RIMBP2: variants seen among roughly 807,000 people sequenced by gnomAD.
The protein encoded by RIMBP2 is RIMS binding protein 2, also known as RIMS-binding protein 2.
RIMBP2 carries 48 observed loss-of-function variants against 118.6 expected under a neutral mutation model. The ratio of observed to expected loss-of-function variants is 0.40; its 90% confidence interval spans 0.32 to 0.51. The LOEUF (loss-of-function observed/expected upper bound fraction) is 0.51. RIMBP2 is among the 20% of genes least tolerant of loss of function. RIMBP2 has a pLI of 0.41. For missense variants in RIMBP2, 1,551 were observed against 1,768.3 expected, an observed-to-expected ratio of 0.88 and a Z score of 2.20; for synonymous variants, 762 against 742.9, an observed-to-expected ratio of 1.03 and a Z score of -0.42.
At chr12:130,591,394 AGGGTCGCCT>A (rs2059253324) in intron 2 of RIMBP2, among the ~76,000 whole-genome samples, 1 of 152,232 alleles carries the variant, frequency 6.6e-6, no homozygotes, top group African/African-American at 2.4e-5. Context: ...CTAGGCAGGA[AGGGTCGCCT>A]GGGTGTTGAA....
chr12:130,487,948 T>C (rs1048413872), intron 4 of RIMBP2, among the ~76,000 whole-genome samples: 2 of 152,180 alleles, frequency 1.3e-5, no homozygotes, highest in African/African-American at 4.8e-5. Flanking sequence ...ACCTGCTTGG[T>C]ACCGTTCTAA....
intron 1 of RIMBP2, among the ~76,000 whole-genome samples, chr12:130,672,965 A>C (rs1403922641): frequency 6.6e-6 from 1 of 152,158 alleles, no homozygotes; most frequent in Admixed American, 6.5e-5. Context: ...AAGCCACCTC[A>C]AGTCGTTTCC....
At chr12:130,507,288 A>T (rs1168975043) in intron 3 of RIMBP2, among the ~76,000 whole-genome samples, 1 of 152,224 alleles carries the variant, frequency 6.6e-6, no homozygotes, top group Non-Finnish European at 1.5e-5. Flanking sequence ...CAGAGGGAAA[A>T]GCAGGATCCC....
rs564246846 is a variant in RIMBP2 at position 130,710,674 on chromosome 12, A to T, written c.-352+5548T>A. Reference sequence around the variant, plus strand: ...CCGCCCCAGGCTCAGCACCAACAGGAAGGACCTGTCCACACAGCTAGGCCA... The same window carrying T: ...CCGCCCCAGGCTCAGCACCAACAGGTAGGACCTGTCCACACAGCTAGGCCA... On this transcript the variant is annotated intron_variant, in intron 1 of 22. Coordinates refer to ENST00000690449, the MANE Select transcript of RIMBP2 (RefSeq NM_001393629.1). This position sits in a 1 kb window ranked among gnomAD's most constrained non-coding sequence, Gnocchi z 4.3. Among the ~76,000 whole-genome samples, 2 of 152,292 alleles carry T rather than the reference A, an allele frequency of 1.3e-5. No homozygotes were observed. Among genetic ancestry groups the T allele is most frequent in the South Asian group, 4.2e-4 (2 of 4,818 alleles).
At chr12:130,615,864 G>A (rs1037323975) in intron 2 of RIMBP2, among the ~76,000 whole-genome samples, 18 of 152,066 alleles carry the variant, frequency 1.2e-4, no homozygotes, top group African/African-American at 2.2e-4. Context: ...GGTTTCAAAC[G>A]TCTGCCATCA....
Position 130,431,385 on chromosome 12 carries a change from G to A in RIMBP2, c.2254-3048C>T. ...CCGGGTTGTAAAACTGGCAGTCTGT[G>A]CACCAGCTCAACTTCAGTCACTCCC... On this transcript the variant is annotated intron_variant, in intron 14 of 22. Coordinates refer to ENST00000690449, the MANE Select transcript of RIMBP2 (RefSeq NM_001393629.1). The surrounding 1 kb of genome is among the most constrained non-coding windows in gnomAD (Gnocchi z 4.0). 1 of 377,478 alleles carries A rather than the reference G, an allele frequency of 2.6e-6. No homozygotes were observed. Among genetic ancestry groups the A allele is most frequent in the Non-Finnish European group, 5.5e-6 (1 of 180,904 alleles). 23.4% of individuals were successfully genotyped at this position (377,478 alleles called of 1,614,324 possible).
chr12:130,683,625 C>A lies in RIMBP2; in HGVS notation c.-352+32597G>T, dbSNP rs530126532. ...AAAGACACAGGTCATAAAGACCTTG[C>A]GGATAAAACAGTTGCAGTAAACAAG... On this transcript the variant is annotated intron_variant, in intron 1 of 22. Coordinates refer to ENST00000690449, the MANE Select transcript of RIMBP2 (RefSeq NM_001393629.1). The surrounding 1 kb of genome is among the most constrained non-coding windows in gnomAD (Gnocchi z 4.4). 3.3e-5 allele frequency among the ~76,000 whole-genome samples: 5 copies of A among 152,120 alleles called. No homozygotes were observed. Among genetic ancestry groups the A allele is most frequent in the Non-Finnish European group, 7.4e-5 (5 of 68,020 alleles).
At chr12:130,604,165 T>G (rs1479228990) in intron 2 of RIMBP2, among the ~76,000 whole-genome samples, 1 of 151,984 alleles carries the variant, frequency 6.6e-6, no homozygotes. Flanking sequence ...GGTGTTAAAA[T>G]GTTTTAAAAT....
intron 1 of RIMBP2, among the ~76,000 whole-genome samples, chr12:130,632,425 A>C (rs946787151): frequency 3.3e-5 from 5 of 152,002 alleles, no homozygotes; most frequent in African/African-American, 1.2e-4. Flanking sequence ...AGAAGAAAAA[A>C]TTGGGGGGTG....
At chr12:130,590,696 T>C (rs2059201341) in intron 2 of RIMBP2, among the ~76,000 whole-genome samples, 1 of 152,224 alleles carries the variant, frequency 6.6e-6, no homozygotes. Context: ...AGCCCTCCGC[T>C]TGCCAGGAGC....
At chr12:130,499,022 A>G (rs1593538346) in intron 4 of RIMBP2, among the ~76,000 whole-genome samples, 1 of 152,252 alleles carries the variant, frequency 6.6e-6, no homozygotes, top group African/African-American at 2.4e-5. Context: ...CAAGCTGTAC[A>G]GGAGGCATGG....
At chr12:130,663,086 A>T (rs1050414513) in intron 1 of RIMBP2, among the ~76,000 whole-genome samples, 3 of 152,206 alleles carry the variant, frequency 2.0e-5, no homozygotes, top group Non-Finnish European at 4.4e-5. Flanking sequence ...GTTTGGCTCT[A>T]ACACCTTCAA....
intron 2 of RIMBP2, among the ~76,000 whole-genome samples, chr12:130,594,552 T>C (rs192384744): frequency 4.9e-4 from 75 of 152,298 alleles, no homozygotes; most frequent in African/African-American, 1.8e-3. Context: ...CAGTAGCTGA[T>C]AAGCTAAAAG....
At position 130,623,948 on chromosome 12, in the gene RIMBP2, C is replaced by T. The variant is rs925025721; in HGVS notation, c.-217+4374G>A. Reference sequence around the variant, plus strand: ...ATAACACACACCCATTACTGACTTCCTGCCCTGCCCTGTCTCACTTCCACA... The same window carrying T: ...ATAACACACACCCATTACTGACTTCTTGCCCTGCCCTGTCTCACTTCCACA... On this transcript the variant is annotated intron_variant, in intron 2 of 22. Transcript: ENST00000690449. The surrounding 1 kb of genome is among the most constrained non-coding windows in gnomAD (Gnocchi z 4.1). Among the ~76,000 whole-genome samples the T allele has an allele frequency of 6.6e-6, 1 of 152,220 alleles. No homozygotes were observed. Among genetic ancestry groups the T allele is most frequent in the Non-Finnish European group, 1.5e-5 (1 of 68,038 alleles).
At position 130,436,842 on chromosome 12, in the gene RIMBP2, C is replaced by G; in HGVS notation, c.2106G>C (p.Arg702Ser). The G allele has an allele frequency of 1.4e-6, 2 of 1,434,072 alleles. No individual in the cohort carries two copies. Among genetic ancestry groups the G allele is most frequent in the Non-Finnish European group, 1.8e-6 (2 of 1,094,128 alleles). 88.8% of individuals were successfully genotyped at this position (1,434,072 alleles called of 1,614,324 possible). The change falls in exon 13 of 23, where the codon AGG (arginine) becomes AGC (serine). Residue 702 changes from arginine to serine, a missense_variant and splice_region_variant. Transcript: ENST00000690449. ...EAAQRVAESSRLEKRSVFLER... is the reference protein window; with the variant it reads ...EAAQRVAESSSLEKRSVFLER... ...ACCGAGGCGGGAGCCCCAGCCTTACCCTGCTGCTCTCGGCCACCCTCTGCG... is the reference window on the plus strand; with the variant it reads ...ACCGAGGCGGGAGCCCCAGCCTTACGCTGCTGCTCTCGGCCACCCTCTGCG...
intron 17 of RIMBP2, among the ~76,000 whole-genome samples, chr12:130,418,219 A>G (rs1444356871): frequency 6.6e-6 from 1 of 152,226 alleles, no homozygotes; most frequent in African/African-American, 2.4e-5. Context: ...TCTTTTTTGA[A>G]TGCCTAATCT....
chr12:130,422,838 C>CA lies in RIMBP2; in HGVS notation c.3130-278dup, dbSNP rs2076503990. Among the ~76,000 whole-genome samples the CA allele has an allele frequency of 6.6e-6, 1 of 152,120 alleles. No individual in the cohort carries two copies. Among genetic ancestry groups the CA allele is most frequent in the South Asian group, 2.1e-4 (1 of 4,822 alleles). On this transcript the variant is annotated intron_variant, in intron 16 of 22. Transcript: ENST00000690449. The surrounding 1 kb of genome is among the most constrained non-coding windows in gnomAD (Gnocchi z 5.2). ...TGGTTGCTGCTGCTGGTGCTGAAGA[C>CA]AAATGTTTTGGGACCAAAGAGACAA...
chr12:130,436,054 A>G (rs1050573595), intron 13 of RIMBP2, among the ~76,000 whole-genome samples: 7 of 152,202 alleles, frequency 4.6e-5, no homozygotes, highest in Non-Finnish European at 8.8e-5. Context: ...CTGCCACCTC[A>G]GGTGGAAACG....
intron 1 of RIMBP2, among the ~76,000 whole-genome samples, chr12:130,705,584 C>T (rs2066069377): frequency 1.3e-5 from 2 of 152,244 alleles, no homozygotes; most frequent in South Asian, 4.1e-4. Context: ...ACGAACAACT[C>T]AGCACAGGCG....
Sources: allele counts gnomAD v4.1 joint callset (sites outside exome capture counted in the v4.1 genomes callset), GRCh38; gene constraint gnomAD v4.1.1; non-coding constraint Gnocchi (gnomAD v3.1); transcripts MANE v1.5; gene names NCBI Gene and HGNC (gene_info 2026-07-23, HGNC 2026-07-21).